Variants in PARVA observed in about 807,000 individuals in gnomAD.
The protein encoded by PARVA is alpha-parvin.
In PARVA, 25 loss-of-function variants were observed where a neutral mutation model predicts 52.6. The observed-to-expected ratio is 0.48, with a 90% CI of 0.35 to 0.66. The LOEUF is 0.66. PARVA is among the 30% of genes least tolerant of loss of function. PARVA has a pLI of 0.01. For synonymous variants in PARVA, 185 were observed against 179.1 expected (o/e 1.03, Z -0.26); for missense variants, 373 against 450.9 (o/e 0.83, Z 1.56).
intron 4 of PARVA, among the ~76,000 whole-genome samples, chr11:12,485,681 AT>A (rs550961939): frequency 9.1e-4 from 138 of 152,346 alleles, no homozygotes; most frequent in Non-Finnish European, 1.8e-3. Context: ...GCCTTATAGA[AT>A]TTCAAATACT....
Position 12,477,834 on chromosome 11 carries a change from T to A in PARVA, c.298-13T>A. 7.2e-7 allele frequency: 1 copy of A among 1,388,130 alleles called. No homozygotes were observed. Among genetic ancestry groups the A allele is most frequent in the South Asian group, 1.2e-5 (1 of 86,562 alleles). 86.0% of individuals were successfully genotyped at this position (1,388,130 alleles called of 1,614,324 possible). On this transcript the variant is annotated splice_polypyrimidine_tract_variant and intron_variant, in intron 3 of 12. Transcript: ENST00000334956. The stretch of plus-strand genomic sequence containing the variant: ...TTCTTACTATTGCACATTCCCTTTC[T>A]CTCTCTCTGTAGGTATTAATTGACT...
In PARVA at chr11:12,405,287, A is replaced by G. The variant is rs142707205; in HGVS notation, c.136+27504A>G. On this transcript the variant is annotated intron_variant, in intron 1 of 12. Transcript: ENST00000334956. ...TCTTCAGATTGCCTAAAATTGCACC[A>G]TATACCTTTGAGTGGGCATTGAAAT... is the stretch of plus-strand genomic sequence containing the variant. Among the ~76,000 whole-genome samples the G allele has an allele frequency of 3.3e-5, 5 of 152,374 alleles. No individual in the cohort carries two copies. In the South Asian group the frequency reaches 1.0e-3, roughly 32 times the overall value.
At chr11:12,385,698 T>C (rs190201335) in intron 1 of PARVA, among the ~76,000 whole-genome samples, 1 of 152,246 alleles carries the variant, frequency 6.6e-6, no homozygotes, top group African/African-American at 2.4e-5. Flanking sequence ...CAAGTGTGGC[T>C]ATGTTCCCAT....
intron 1 of PARVA, among the ~76,000 whole-genome samples, chr11:12,422,668 T>C (rs1393606959): frequency 6.6e-6 from 1 of 152,212 alleles, no homozygotes; most frequent in East Asian, 1.9e-4. Flanking sequence ...CCTGCTAGTG[T>C]CCTTCTCTTT....
At chr11:12,513,118 A>T in intron 8 of PARVA, 181 bp from the exon 9 acceptor site, 1 of 710,804 alleles carries the variant, frequency 1.4e-6, no homozygotes. Context: ...CAGGGTGAGA[A>T]TCACCCCAAA....
chr11:12,398,064 A>C (rs1939775739), intron 1 of PARVA, among the ~76,000 whole-genome samples: 1 of 151,948 alleles, frequency 6.6e-6, no homozygotes, highest in African/African-American at 2.4e-5. Flanking sequence ...CTTCCAGTCC[A>C]TTTGGCAGGG....
chr11:12,412,008 GTTTC>G (rs1160257278), intron 1 of PARVA, among the ~76,000 whole-genome samples: 1 of 152,102 alleles, frequency 6.6e-6, no homozygotes, highest in Non-Finnish European at 1.5e-5. Flanking sequence ...TGCCTGCCTA[GTTTC>G]TTTCTAATCT....
intron 1 of PARVA, among the ~76,000 whole-genome samples, chr11:12,447,670 C>T (rs1159007503): frequency 1.3e-5 from 2 of 152,164 alleles, no homozygotes; most frequent in African/African-American, 4.8e-5. Flanking sequence ...GGAGAGGATG[C>T]TGAGAGCAGT....
chr11:12,425,250 TCAG>T (rs1303806923), intron 1 of PARVA, among the ~76,000 whole-genome samples: 2 of 152,198 alleles, frequency 1.3e-5, no homozygotes, highest in East Asian at 3.8e-4. Context: ...CATAATTAGT[TCAG>T]CAAGCACTGC....
intron 4 of PARVA, among the ~76,000 whole-genome samples, chr11:12,489,551 GAGTAT>G (rs1275671009): frequency 6.6e-6 from 1 of 152,090 alleles, no homozygotes; most frequent in African/African-American, 2.4e-5. Flanking sequence ...AAAGAAAATG[GAGTAT>G]AGTAAATATT....
At chr11:12,438,956 C>G (rs1389984932) in intron 1 of PARVA, among the ~76,000 whole-genome samples, 2 of 152,100 alleles carry the variant, frequency 1.3e-5, no homozygotes, top group African/African-American at 4.8e-5. Flanking sequence ...ATTGGCCCAG[C>G]AGTTCAGAGG....
chr11:12,406,730 G>A (rs1589945692), intron 1 of PARVA, among the ~76,000 whole-genome samples: 1 of 142,790 alleles, frequency 7.0e-6, no homozygotes, highest in African/African-American at 2.7e-5. Flanking sequence ...GAATGCAGTG[G>A]CGCAATCTCG....
chr11:12,500,976 C>T (rs1450840937), intron 5 of PARVA, among the ~76,000 whole-genome samples: 1 of 151,822 alleles, frequency 6.6e-6, no homozygotes, highest in Non-Finnish European at 1.5e-5. Flanking sequence ...GGTATGGTGG[C>T]ATGCACCTAT....
At chr11:12,521,324 G>A (rs1941634088) in intron 12 of PARVA, among the ~76,000 whole-genome samples, 1 of 152,204 alleles carries the variant, frequency 6.6e-6, no homozygotes, top group Non-Finnish European at 1.5e-5. Context: ...AGGAGATAGT[G>A]TACAGAAGCC....
rs1258207266 is a variant in PARVA at position 12,473,933 on chromosome 11, A to T, written c.247A>T (p.Met83Leu). 2 of 1,582,490 alleles carry T rather than the reference A, an allele frequency of 1.3e-6. No homozygotes were observed. The highest frequency in any genetic ancestry group is 2.7e-5 in the African/African-American group (2 of 74,212). ...TMLEENEVRT[M>L]VDPNSRSDPK... ...TAAAGAGGAGAATGAGGTGCGAACA[A>T]TGGTGGATCCAAACTCACGCAGTGA... is the stretch of plus-strand genomic sequence containing the variant. The change falls in exon 3 of 13, where the codon ATG becomes TTG. Residue 83 changes from methionine (M) to leucine (L), a missense_variant. Met to Leu is a conservative substitution (Grantham distance 15). Coordinates refer to ENST00000334956, the MANE Select transcript of PARVA (RefSeq NM_018222.5).
chr11:12,420,917 A>G (rs1042388321), intron 1 of PARVA, among the ~76,000 whole-genome samples: 4 of 152,134 alleles, frequency 2.6e-5, no homozygotes, highest in Non-Finnish European at 5.9e-5. Context: ...CCACCCAGCG[A>G]GAATGGAAGG....
At chr11:12,419,151 CT>C (rs1564842512) in intron 1 of PARVA, among the ~76,000 whole-genome samples, 1 of 152,104 alleles carries the variant, frequency 6.6e-6, no homozygotes, top group African/African-American at 2.4e-5. Context: ...AACTTAAATT[CT>C]TAACCATTTT....
In PARVA at chr11:12,534,312, A is replaced by T. The variant is rs1564874468; in HGVS notation, c.*6387A>T. On this transcript the variant is annotated 3_prime_UTR_variant, in exon 13 of 13. Transcript: ENST00000334956. ...ATATGCTTGGAAATCCCCGCTTGAA[A>T]TCTCCTTGGTTGGAAACCAGTCCAG... Among the ~76,000 whole-genome samples, 1 of 152,092 alleles carries T rather than the reference A, an allele frequency of 6.6e-6. No individual in the cohort carries two copies. The highest frequency in any genetic ancestry group is 6.6e-5 in the Admixed American group (1 of 15,260).
At chr11:12,478,290 A>C (rs1941042368) in intron 4 of PARVA, 1 of 379,246 alleles carries the variant, frequency 2.6e-6, no homozygotes, top group African/African-American at 2.1e-5. Context: ...CTGTCGGTAT[A>C]TTTACATGCA....
Sources: allele counts gnomAD v4.1 joint callset (sites outside exome capture counted in the v4.1 genomes callset), GRCh38; gene constraint gnomAD v4.1.1; transcripts MANE v1.5; gene names NCBI Gene and HGNC (gene_info 2026-07-23, HGNC 2026-07-21).